RABGAP1L: variants seen among roughly 807,000 people sequenced by gnomAD.
RABGAP1L encodes RAB GTPase activating protein 1 like.
RABGAP1L carries 63 observed loss-of-function variants against 137.7 expected under a neutral mutation model. The ratio of observed to expected loss-of-function variants is 0.46; its 90% confidence interval spans 0.37 to 0.56. The LOEUF is 0.56. RABGAP1L is among the 20% of genes least tolerant of loss of function. The pLI is 0.00. For synonymous variants in RABGAP1L, 431 were observed against 433.7 expected (o/e 0.99, Z 0.08); for missense variants, 1,095 against 1,244.0 (o/e 0.88, Z 1.80).
intron 13 of RABGAP1L, among the ~76,000 whole-genome samples, chr1:174,601,928 A>T (rs1670445746): frequency 6.6e-6 from 1 of 152,064 alleles, no homozygotes; most frequent in Non-Finnish European, 1.5e-5. Context: ...CCATTTCCCA[A>T]CAAGTTCCTC....
At chr1:174,690,546 T>C (rs184981489) in intron 15 of RABGAP1L, among the ~76,000 whole-genome samples, 1,529 of 152,322 alleles carry the variant, frequency 0.01, 15 homozygotes, top group South Asian at 0.023. Context: ...TTTAAATTAA[T>C]AATTATTTGC....
intron 13 of RABGAP1L, among the ~76,000 whole-genome samples, chr1:174,620,832 C>G (rs1437134421): frequency 1.3e-5 from 2 of 151,922 alleles, no homozygotes; most frequent in African/African-American, 2.4e-5. Flanking sequence ...TTCAAAAAAT[C>G]AATGAATACA....
At chr1:174,672,438 TG>T (rs1277623745) in intron 14 of RABGAP1L, among the ~76,000 whole-genome samples, 1 of 151,734 alleles carries the variant, frequency 6.6e-6, no homozygotes, top group Non-Finnish European at 1.5e-5. Flanking sequence ...TTGTTTGTTT[TG>T]TTTTGTTTTT....
chr1:174,651,283 G>T (rs1190697825), intron 14 of RABGAP1L, among the ~76,000 whole-genome samples: 2 of 152,074 alleles, frequency 1.3e-5, no homozygotes, highest in Non-Finnish European at 2.9e-5. Flanking sequence ...AATAGGTGTG[G>T]TGTGGTGCTG....
intron 19 of RABGAP1L, among the ~76,000 whole-genome samples, chr1:174,954,537 T>G (rs1433681605): frequency 6.6e-6 from 1 of 152,114 alleles, no homozygotes; most frequent in African/African-American, 2.4e-5. Context: ...AAAAAAAAAT[T>G]GATAATAGTT....
intron 13 of RABGAP1L, among the ~76,000 whole-genome samples, chr1:174,561,638 A>C (rs1667222735): frequency 6.6e-6 from 1 of 152,232 alleles, no homozygotes; most frequent in Non-Finnish European, 1.5e-5. Context: ...CGAAAACAGC[A>C]TGGTACTGGT....
chr1:174,287,203 G>A (rs143908713), intron 10 of RABGAP1L, among the ~76,000 whole-genome samples: 170 of 152,118 alleles, frequency 1.1e-3, no homozygotes, highest in Middle Eastern at 3.4e-3. Context: ...TTATAATGAG[G>A]TACCCTGATG....
intron 10 of RABGAP1L, among the ~76,000 whole-genome samples, chr1:174,299,575 CAG>C (rs1302580527): frequency 6.6e-6 from 1 of 152,196 alleles, no homozygotes; most frequent in East Asian, 1.9e-4. Flanking sequence ...CGGAACCAGG[CAG>C]AGAGAAACAA....
At position 174,726,838 on chromosome 1, in the gene RABGAP1L, G is replaced by C. The variant is rs543047602; in HGVS notation, c.2169+24582G>C. Among the ~76,000 whole-genome samples, 4 of 152,194 alleles carry C rather than the reference G, an allele frequency of 2.6e-5. No homozygotes were observed. In the East Asian group the frequency reaches 5.8e-4, roughly 22 times the overall value. On this transcript the variant is annotated intron_variant, in intron 17 of 25. Coordinates refer to ENST00000681986, the MANE Select transcript of RABGAP1L (RefSeq NM_001366446.1). ...AGTGTGGCCCGTTTGAAACTTTGTG[G>C]CCTGTGGCTTGTTTCTTTTTATGTA...
intron 18 of RABGAP1L, chr1:174,756,896 T>TG: frequency 3.0e-6 from 2 of 668,112 alleles, no homozygotes; most frequent in South Asian, 2.7e-5. Flanking sequence ...GAAGCAGTCC[T>TG]GGGACTGCTT....
At chr1:174,181,926 C>T (rs1453570738) in intron 1 of RABGAP1L, among the ~76,000 whole-genome samples, 1 of 152,130 alleles carries the variant, frequency 6.6e-6, no homozygotes, top group Non-Finnish European at 1.5e-5. Flanking sequence ...TGTACTCCCT[C>T]CCTAATTTAA....
intron 7 of RABGAP1L, among the ~76,000 whole-genome samples, chr1:174,272,004 A>G (rs1268550668): frequency 1.3e-5 from 2 of 151,902 alleles, no homozygotes; most frequent in Admixed American, 6.6e-5. Flanking sequence ...GCATAGTGTC[A>G]TCTTCTTATT....
At chr1:174,640,485 AC>A (rs999383115) in intron 14 of RABGAP1L, among the ~76,000 whole-genome samples, 2 of 151,998 alleles carry the variant, frequency 1.3e-5, no homozygotes, top group African/African-American at 4.8e-5. Context: ...AGGTAGTCTA[AC>A]CATTTAAAGG....
intron 13 of RABGAP1L, among the ~76,000 whole-genome samples, chr1:174,403,904 A>G (rs1648945564): frequency 6.6e-6 from 1 of 152,090 alleles, no homozygotes; most frequent in Non-Finnish European, 1.5e-5. Flanking sequence ...TGCAAATTCA[A>G]CTATATAGTA....
intron 19 of RABGAP1L, among the ~76,000 whole-genome samples, chr1:174,896,156 C>T (rs1657126349): frequency 6.6e-6 from 1 of 152,184 alleles, no homozygotes; most frequent in Admixed American, 6.5e-5. Context: ...GAGATGGTAT[C>T]TCATTGTGGT....
intron 13 of RABGAP1L, among the ~76,000 whole-genome samples, chr1:174,401,468 T>C (rs1236957391): frequency 2.0e-5 from 3 of 152,144 alleles, no homozygotes; most frequent in Admixed American, 1.3e-4. Flanking sequence ...TAAATGAAGT[T>C]TGAAGTAAGC....
chr1:174,365,441 A>G (rs1044634019), intron 11 of RABGAP1L: 2 of 151,934 alleles, frequency 1.3e-5, no homozygotes, highest in Non-Finnish European at 1.5e-5. Context: ...ATGCCTTTCA[A>G]GTTTACCTAG....
chr1:174,640,207 G>A (rs915930584), intron 14 of RABGAP1L, among the ~76,000 whole-genome samples: 3 of 152,088 alleles, frequency 2.0e-5, no homozygotes, highest in Non-Finnish European at 4.4e-5. Flanking sequence ...GTTTGTGATT[G>A]ACCCGGTTCC....
intron 3 of RABGAP1L, among the ~76,000 whole-genome samples, chr1:174,222,529 G>T (rs888227049): frequency 1.3e-5 from 2 of 152,158 alleles, no homozygotes; most frequent in African/African-American, 4.8e-5. Context: ...ACAAGCACTG[G>T]ATAAAATTTA....
Sources: allele counts gnomAD v4.1 joint callset (sites outside exome capture counted in the v4.1 genomes callset), GRCh38; gene constraint gnomAD v4.1.1; transcripts MANE v1.5; gene names NCBI Gene and HGNC (gene_info 2026-07-23, HGNC 2026-07-21).